Variants in SOX5 observed in about 807,000 individuals in gnomAD.
SOX5 encodes the protein SRY-box transcription factor 5, also known as transcription factor SOX-5.
In SOX5, 9 loss-of-function variants were observed where a neutral mutation model predicts 92.0. The observed-to-expected ratio is 0.10, with a 90% CI of 0.06 to 0.17. The LOEUF (loss-of-function observed/expected upper bound fraction) is 0.17, where lower values mean the gene tolerates loss of function less well. Among genes scored for constraint, SOX5 ranks in the 10% least tolerant of loss-of-function variants. SOX5 has a pLI of 1.00. For missense variants in SOX5, 642 were observed against 944.5 expected, an observed-to-expected ratio of 0.68 and a Z score of 4.20; for synonymous variants, 344 against 336.3, an observed-to-expected ratio of 1.02 and a Z score of -0.25.
At chr12:24,505,705 C>A (rs1212922614) in intron 1 of SOX5, among the ~76,000 whole-genome samples, 1 of 152,286 alleles carries the variant, frequency 6.6e-6, no homozygotes, top group East Asian at 1.9e-4. Context: ...TATTACATAA[C>A]TTCTGAAACC....
At chr12:23,789,372 C>A (rs2095432345) in intron 3 of SOX5, among the ~76,000 whole-genome samples, 1 of 151,982 alleles carries the variant, frequency 6.6e-6, no homozygotes, top group Non-Finnish European at 1.5e-5. Flanking sequence ...CCATTCTTAG[C>A]AGTATTAACC....
chr12:23,879,822 T>G (rs2096967549), intron 2 of SOX5, among the ~76,000 whole-genome samples: 1 of 152,200 alleles, frequency 6.6e-6, no homozygotes, highest in African/African-American at 2.4e-5. Context: ...CCCACTCTTA[T>G]TCTAGAATTA....
intron 1 of SOX5, among the ~76,000 whole-genome samples, chr12:24,432,798 G>A (rs1287662088): frequency 6.6e-6 from 1 of 152,034 alleles, no homozygotes; most frequent in Non-Finnish European, 1.5e-5. Context: ...GTGACAGAGC[G>A]AGACTGTCTA....
chr12:24,453,154 T>G (rs1942558913), intron 1 of SOX5, among the ~76,000 whole-genome samples: 1 of 152,140 alleles, frequency 6.6e-6, no homozygotes, highest in East Asian at 1.9e-4. Context: ...GCATTTGTGG[T>G]TAAAACTACT....
At chr12:24,240,138 A>C (rs1032572271) in intron 3 of SOX5, among the ~76,000 whole-genome samples, 2 of 152,206 alleles carry the variant, frequency 1.3e-5, no homozygotes, top group African/African-American at 4.8e-5. Flanking sequence ...ATTAATATTA[A>C]ACTATCTCCA....
intron 7 of SOX5, among the ~76,000 whole-genome samples, chr12:23,651,674 G>T (rs2081578584): frequency 6.6e-6 from 1 of 152,054 alleles, no homozygotes; most frequent in South Asian, 2.1e-4. Flanking sequence ...GATCACTGGG[G>T]AAAGAATCAG....
rs1592630528 is a variant in SOX5, at chr12:23,617,936, T to C, written c.1018-13403A>G. Among the ~76,000 whole-genome samples, 4 of 152,218 alleles carry C rather than the reference T, an allele frequency of 2.6e-5. No homozygotes were observed. The South Asian group carries it at 8.3e-4, about 31-fold the overall frequency. ...TACTCCATAAGCCATCTTCGTGTAC[T>C]GCACAGTAATCCATTACAATATGTT... On this transcript the variant is annotated intron_variant, in intron 8 of 14. Transcript: ENST00000451604.
intron 4 of SOX5, among the ~76,000 whole-genome samples, chr12:24,185,358 C>T (rs1046522449): frequency 6.6e-6 from 1 of 152,128 alleles, no homozygotes; most frequent in Non-Finnish European, 1.5e-5. Flanking sequence ...CTCAGCCCCA[C>T]CATTCTCAGA....
At chr12:24,212,701 C>T (rs1201868331) in intron 4 of SOX5, among the ~76,000 whole-genome samples, 1 of 152,208 alleles carries the variant, frequency 6.6e-6, no homozygotes, top group South Asian at 2.1e-4. Flanking sequence ...TACTGAGAAA[C>T]GTGACTAAAA....
Position 23,892,357 on chromosome 12 carries a change from A to G in SOX5, c.270+3436T>C, listed in dbSNP as rs1008629794. ...AAGGCCATCTGGTATGCTCATGAAC[A>G]TGTGTGAAAAGCTTGGCATTACCAG... On this transcript the variant is annotated intron_variant, in intron 2 of 14. Transcript: ENST00000451604. Among the ~76,000 whole-genome samples, 4 of 152,278 alleles carry G rather than the reference A, an allele frequency of 2.6e-5. No homozygotes were observed. In the East Asian group the frequency reaches 7.7e-4, roughly 29 times the overall value.
intron 4 of SOX5, among the ~76,000 whole-genome samples, chr12:23,990,346 T>C (rs577498896): frequency 6.6e-6 from 1 of 152,270 alleles, no homozygotes; most frequent in South Asian, 2.1e-4. Flanking sequence ...CTAAACTCCT[T>C]AGTGTGGCAA....
intron 9 of SOX5, among the ~76,000 whole-genome samples, chr12:23,601,914 G>T (rs990418936): frequency 6.6e-5 from 10 of 152,084 alleles, no homozygotes; most frequent in South Asian, 2.1e-4. Context: ...ATGCTAGAGG[G>T]CACTGAGCAA....
At position 24,215,426 on chromosome 12, in the gene SOX5, A is replaced by G. The variant is rs1324777029; in HGVS notation, c.-76-2009T>C. On this transcript the variant is annotated intron_variant, in intron 3 of 4. Coordinates refer to the SOX5 transcript ENST00000446891. ...AGGTTGCAGGATAGTTGATCAATAT[A>G]TAAAAATCAATTGTATTTCTACAAA... 5.3e-5 allele frequency among the ~76,000 whole-genome samples: 8 copies of G among 152,184 alleles called. No homozygotes were observed. The East Asian group carries it at 7.7e-4, about 15-fold the overall frequency.
At chr12:23,575,889 A>G (rs375745026) in intron 9 of SOX5, 51 bp from the exon 10 acceptor site, 3 of 1,440,960 alleles carry the variant, frequency 2.1e-6, no homozygotes, top group South Asian at 2.8e-5. Flanking sequence ...CTGATAAAAA[A>G]TGCCTAGAAA....
In SOX5 at chr12:23,595,618, C is replaced by CAAAAAA. The variant is rs747265656; in HGVS notation, c.1164+8763_1164+8768dup. 5.6e-4 allele frequency among the ~76,000 whole-genome samples: 26 copies of CAAAAAA among 46,318 alleles called. 1 individual carries two copies. The highest frequency in any genetic ancestry group is 2.1e-3 in the African/African-American group (24 of 11,234). 30.4% of individuals were successfully genotyped at this position (46,318 alleles called of 152,430 possible). On this transcript the variant is annotated intron_variant, in intron 9 of 14. Transcript: ENST00000451604. The stretch of plus-strand genomic sequence containing the variant: ...TGGGCCACAGAGTGAGACTCTGCCT[C>CAAAAAA]AAAAAAAAAAAAAAAAAAAAAAAAA...
chr12:23,785,371 G>A (rs191515151), intron 3 of SOX5, among the ~76,000 whole-genome samples: 3 of 152,246 alleles, frequency 2.0e-5, no homozygotes, highest in Admixed American at 2.0e-4. Flanking sequence ...TATAAATGCT[G>A]AATTGGTGTC....
chr12:24,017,783 T>C (rs528359525), intron 4 of SOX5, among the ~76,000 whole-genome samples: 1 of 152,196 alleles, frequency 6.6e-6, no homozygotes, highest in Admixed American at 6.5e-5. Context: ...ACCATTTTCT[T>C]TACTTCCCTA....
chr12:23,929,645 A>G (rs1193564645), intron 1 of SOX5, among the ~76,000 whole-genome samples: 3 of 152,006 alleles, frequency 2.0e-5, no homozygotes, highest in African/African-American at 7.2e-5. Context: ...TTAAGCTCAC[A>G]AAAGGAGATA....
Position 24,072,655 on chromosome 12 carries a change from T to C in SOX5, c.-2+140688A>G, listed in dbSNP as rs533787601. ...ACTTCCAGTCCATGGTTCTGTCCAT[T>C]AGCACCATTTTGTCAACTTCTCCAG... is the stretch of plus-strand genomic sequence containing the variant. On this transcript the variant is annotated intron_variant, in intron 4 of 4. Transcript: ENST00000446891. Among the ~76,000 whole-genome samples, 7 of 152,338 alleles carry C rather than the reference T, an allele frequency of 4.6e-5. No individual in the cohort carries two copies. In the South Asian group the frequency reaches 1.5e-3, roughly 32 times the overall value.
Sources: gnomAD v4.1 joint callset for allele counts (sites outside exome capture counted in the v4.1 genomes callset) on GRCh38, gnomAD v4.1.1 for gene constraint, MANE v1.5 for transcripts, NCBI Gene and HGNC (gene_info 2026-07-23, HGNC 2026-07-21) for gene names.